The following KALRN variants were observed in gnomAD, a reference collection of about 807,000 sequenced individuals.
KALRN encodes kalirin.
A neutral mutation model predicts 353.7 loss-of-function variants in KALRN; 70 were observed. The ratio of observed to expected loss-of-function variants is 0.20; its 90% CI spans 0.16 to 0.24. KALRN has a LOEUF of 0.24. Ranked by LOEUF, KALRN falls within the 10% of genes least tolerant of loss-of-function variation. KALRN has a pLI of 1.00. For missense variants in KALRN, 2,791 were observed against 3,756.7 expected (o/e 0.74, Z 6.72); for synonymous variants, 1,391 against 1,434.8 (o/e 0.97, Z 0.69).
intron 34 of KALRN, among the ~76,000 whole-genome samples, chr3:124,615,444 T>C (rs552258045): frequency 1.3e-5 from 2 of 152,334 alleles, no homozygotes; most frequent in South Asian, 4.1e-4. Context: ...TATGGTTATA[T>C]AAGAGATGTC....
chr3:124,466,646 C>T (rs943347492), intron 25 of KALRN, among the ~76,000 whole-genome samples: 1 of 152,148 alleles, frequency 6.6e-6, no homozygotes, highest in African/African-American at 2.4e-5. Context: ...CTACTCCCAG[C>T]GCTCAGAGGG....
At chr3:124,235,823 C>A in intron 3 of KALRN, among the ~76,000 whole-genome samples, 1 of 152,192 alleles carries the variant, frequency 6.6e-6, no homozygotes, top group East Asian at 1.9e-4. Flanking sequence ...TCAAAACCTT[C>A]GTCTTGTCTC....
chr3:124,366,830 G>GGGGCTGACCCCCCCACCTCCCTCCCGGAC (rs2084789660), intron 10 of KALRN, among the ~76,000 whole-genome samples: 1 of 146,440 alleles, frequency 6.8e-6, no homozygotes, highest in East Asian at 2.1e-4. Context: ...GGCTGGGCGG[G>GGGGCTGACCCCCCCACCTCCCTCCCGGAC]GGTCTGACCC....
chr3:124,632,737 G>A, intron 35 of KALRN, 34 bp downstream of exon 35: 2 of 1,590,224 alleles, frequency 1.3e-6, no homozygotes, highest in Non-Finnish European at 1.7e-6. Flanking sequence ...TGTCCATCAG[G>A]AGGGCCTTCT....
At chr3:124,196,775 C>T (rs1001922538) in intron 1 of KALRN, among the ~76,000 whole-genome samples, 1 of 152,102 alleles carries the variant, frequency 6.6e-6, no homozygotes, top group African/African-American at 2.4e-5. Flanking sequence ...AGTATTCTGT[C>T]TTATGGCTGC....
intron 10 of KALRN, among the ~76,000 whole-genome samples, chr3:124,382,694 A>G (rs1480745448): frequency 6.6e-6 from 1 of 152,186 alleles, no homozygotes; most frequent in African/African-American, 2.4e-5. Flanking sequence ...TAAAGCTACA[A>G]TCTCTAGGGT....
At chr3:124,420,949 G>T (rs1188682145) in intron 14 of KALRN, among the ~76,000 whole-genome samples, 1 of 152,152 alleles carries the variant, frequency 6.6e-6, no homozygotes, top group Non-Finnish European at 1.5e-5. Flanking sequence ...GTTGAGATTG[G>T]CAGGCTCCTT....
At chr3:124,376,985 C>T (rs976426822) in intron 10 of KALRN, among the ~76,000 whole-genome samples, 2 of 152,024 alleles carry the variant, frequency 1.3e-5, no homozygotes, top group Admixed American at 1.3e-4. Context: ...ACCAAAGGCC[C>T]AAGAATGAAT....
intron 28 of KALRN, among the ~76,000 whole-genome samples, chr3:124,485,631 G>A (rs1220127783): frequency 6.6e-6 from 1 of 152,170 alleles, no homozygotes; most frequent in Non-Finnish European, 1.5e-5. Flanking sequence ...TATAATCCCA[G>A]CACTTTGGGT....
intron 1 of KALRN, among the ~76,000 whole-genome samples, chr3:124,154,202 A>C (rs1236268412): frequency 1.3e-5 from 2 of 152,342 alleles, no homozygotes; most frequent in African/African-American, 4.8e-5. Flanking sequence ...AATTGGCACA[A>C]GACAGGGATG....
intron 33 of KALRN, among the ~76,000 whole-genome samples, chr3:124,509,072 G>A (rs1251574407): frequency 2.6e-5 from 4 of 152,152 alleles, no homozygotes; most frequent in African/African-American, 9.7e-5. Context: ...GGTCATGTAT[G>A]TAATATGTTT....
chr3:124,633,594 A>G (rs1241041481), intron 35 of KALRN, among the ~76,000 whole-genome samples: 1 of 151,756 alleles, frequency 6.6e-6, no homozygotes, highest in Admixed American at 6.6e-5. Flanking sequence ...TTTTCTTGCT[A>G]ATCGATAAGA....
chr3:124,619,996 A>G (rs1373455219), intron 34 of KALRN, among the ~76,000 whole-genome samples: 1 of 151,962 alleles, frequency 6.6e-6, no homozygotes, highest in East Asian at 1.9e-4. Context: ...TTTTTCCACA[A>G]TGAAAGGCCT....
intron 8 of KALRN, among the ~76,000 whole-genome samples, chr3:124,332,909 A>C (rs2080744083): frequency 6.6e-6 from 1 of 152,206 alleles, no homozygotes; most frequent in African/African-American, 2.4e-5. Context: ...TGATGGTTGT[A>C]TTAGTCTGTT....
intron 10 of KALRN, among the ~76,000 whole-genome samples, chr3:124,369,320 A>G (rs1455595606): frequency 6.6e-6 from 1 of 152,130 alleles, no homozygotes; most frequent in Non-Finnish European, 1.5e-5. Context: ...AATTTTGGAG[A>G]AAGTCTTGTT....
chr3:124,612,581 C>CAT (rs1366565081), intron 34 of KALRN, among the ~76,000 whole-genome samples: 3 of 152,228 alleles, frequency 2.0e-5, no homozygotes, highest in Non-Finnish European at 4.4e-5. Context: ...AGGTGATCTG[C>CAT]CCGCCTCATC....
At chr3:124,125,476 C>T (rs1036662539) in intron 1 of KALRN, among the ~76,000 whole-genome samples, 1 of 152,152 alleles carries the variant, frequency 6.6e-6, no homozygotes, top group African/African-American at 2.4e-5. Context: ...ATGAGCAAGC[C>T]TCCATGAGCT....
At chr3:124,661,088 C>G in intron 44 of KALRN, 115 bp downstream of exon 44, 2 of 778,848 alleles carry the variant, frequency 2.6e-6, no homozygotes, top group Non-Finnish European at 2.3e-6. Context: ...CCCTCTCAGA[C>G]AGTAAGAGGC....
chr3:124,482,441 T>A (rs1355498149), intron 27 of KALRN, among the ~76,000 whole-genome samples: 1 of 152,174 alleles, frequency 6.6e-6, no homozygotes, highest in African/African-American at 2.4e-5. Flanking sequence ...TCATCTCCCC[T>A]TTTTGGAACT....
Sources: allele counts gnomAD v4.1 joint callset (sites outside exome capture counted in the v4.1 genomes callset), GRCh38; gene constraint gnomAD v4.1.1; transcripts MANE v1.5; gene names NCBI Gene and HGNC (gene_info 2026-07-23, HGNC 2026-07-21).